The following OXSR1 variants were observed in gnomAD, a reference collection of about 807,000 sequenced individuals.
OXSR1 encodes serine/threonine-protein kinase OSR1.
Under a neutral mutation model 79.8 loss-of-function variants are expected in OXSR1, and 24 were observed. The observed-to-expected ratio is 0.30, with a 90% confidence interval of 0.22 to 0.42. The LOEUF is 0.42. OXSR1 is among the 10% of genes least tolerant of loss of function. OXSR1 has a pLI of 1.00. For missense variants in OXSR1, 430 were observed against 618.4 expected (o/e 0.70, Z 3.23); for synonymous variants, 226 against 209.2 (o/e 1.08, Z -0.69).
chr3:38,249,391 A>G (rs372525631), intron 14 of OXSR1, among the ~76,000 whole-genome samples: 30 of 152,122 alleles, frequency 2.0e-4, no homozygotes, highest in African/African-American at 5.3e-4. Context: ...TCCTTTCCCT[A>G]TCCTCTCTGC....
rs561493693 is a variant in OXSR1, at chr3:38,247,516, C to G, written c.1258-152C>G. On this transcript the variant is annotated intron_variant, in intron 13 of 17. Coordinates refer to ENST00000311806, the MANE Select transcript of OXSR1 (RefSeq NM_005109.3). Reference sequence around the variant, plus strand: ...GTTGCTGCCTTGGAGTGCATGTCCTCCTCCAGCAGGGAATGTCCTGGGGAT... The same window carrying G: ...GTTGCTGCCTTGGAGTGCATGTCCTGCTCCAGCAGGGAATGTCCTGGGGAT... 5 of 557,058 alleles carry G rather than the reference C, an allele frequency of 9.0e-6. No homozygotes were observed. In the Admixed American group the frequency reaches 1.5e-4, roughly 16 times the overall value. 34.5% of individuals were successfully genotyped at this position (557,058 alleles called of 1,614,324 possible). A position where few individuals can be genotyped will look rare whatever the true frequency, so the allele number is the denominator to read the frequency against.
intron 13 of OXSR1, among the ~76,000 whole-genome samples, chr3:38,247,407 T>C (rs2125854281): frequency 6.6e-6 from 1 of 152,258 alleles, no homozygotes; most frequent in East Asian, 1.9e-4. Flanking sequence ...ATATAAAATG[T>C]AAATGTGGCT....
chr3:38,215,781 T>C (rs1361634659), intron 4 of OXSR1, among the ~76,000 whole-genome samples: 1 of 152,146 alleles, frequency 6.6e-6, no homozygotes, highest in Non-Finnish European at 1.5e-5. Flanking sequence ...TTCATTGGGG[T>C]ATAGAAAAAA....
intron 10 of OXSR1, among the ~76,000 whole-genome samples, chr3:38,231,950 T>TA: frequency 6.6e-6 from 1 of 151,942 alleles, no homozygotes; most frequent in East Asian, 1.9e-4. Flanking sequence ...CTACTAAAAA[T>TA]ACAAAACTTA....
intron 4 of OXSR1, among the ~76,000 whole-genome samples, chr3:38,209,634 T>A (rs1432580448): frequency 2.1e-5 from 2 of 94,028 alleles, no homozygotes; most frequent in East Asian, 2.4e-4. Context: ...TCAATTATAC[T>A]TTTTTTTTTT....
chr3:38,165,988 AG>A (rs761336905), intron 1 of OXSR1, 42 bp downstream of exon 1: 3 of 1,559,416 alleles, frequency 1.9e-6, no homozygotes, highest in Non-Finnish European at 2.6e-6. Context: ...CGGCGCTGGG[AG>A]GCGGGGGACA....
At chr3:38,201,098 G>A (rs1041771712) in intron 4 of OXSR1, among the ~76,000 whole-genome samples, 5 of 151,984 alleles carry the variant, frequency 3.3e-5, no homozygotes, top group African/African-American at 1.2e-4. Flanking sequence ...TTGAAATGGG[G>A]TCGTGCTGTG....
At chr3:38,226,772 A>C (rs960591103) in intron 8 of OXSR1, among the ~76,000 whole-genome samples, 1 of 151,868 alleles carries the variant, frequency 6.6e-6, no homozygotes, top group African/African-American at 2.4e-5. Flanking sequence ...AGACTAAGAA[A>C]CTGTCACAGA....
At chr3:38,214,602 T>G (rs546209992) in intron 4 of OXSR1, among the ~76,000 whole-genome samples, 2 of 152,320 alleles carry the variant, frequency 1.3e-5, no homozygotes, top group East Asian at 3.9e-4. Context: ...TGTCCTCTAT[T>G]CTCTCCTGTT....
chr3:38,227,335 C>A (rs145919266), intron 8 of OXSR1, among the ~76,000 whole-genome samples: 1,556 of 152,150 alleles, frequency 0.01, 77 homozygotes, highest in Admixed American at 0.095. Flanking sequence ...GGTTAAGTAA[C>A]CTTCTCCAAA....
At chr3:38,166,559 G>A (rs6810031) in intron 1 of OXSR1, among the ~76,000 whole-genome samples, 2,286 of 152,262 alleles carry the variant, frequency 0.015, 56 homozygotes, top group African/African-American at 0.05. Context: ...TTGGGAGGCC[G>A]AGGCGGGCGG....
intron 5 of OXSR1, among the ~76,000 whole-genome samples, chr3:38,218,863 A>G (rs1446145873): frequency 1.3e-5 from 2 of 152,040 alleles, no homozygotes; most frequent in Non-Finnish European, 2.9e-5. Context: ...GCCTGATTCC[A>G]CCTTCTATAT....
chr3:38,230,520 A>G lies in OXSR1; in HGVS notation c.951+90A>G, dbSNP rs1702784056. The G allele has an allele frequency of 3.6e-6, 3 of 834,858 alleles. No individual in the cohort carries two copies. In the Admixed American group the frequency reaches 6.2e-5, roughly 17 times the overall value. 51.7% of individuals were successfully genotyped at this position (834,858 alleles called of 1,614,324 possible). A position where few individuals can be genotyped will look rare whatever the true frequency, so the allele number is the denominator to read the frequency against. ...TTAAGTAATACATTGTTAATAGTAT[A>G]TGAGAATTACTGGTTTTCTGTCGAT... On this transcript the variant is annotated intron_variant, in intron 10 of 17. Coordinates refer to ENST00000311806, the MANE Select transcript of OXSR1 (RefSeq NM_005109.3).
At chr3:38,190,154 A>G (rs1701956333) in intron 2 of OXSR1, among the ~76,000 whole-genome samples, 1 of 152,174 alleles carries the variant, frequency 6.6e-6, no homozygotes, top group South Asian at 2.1e-4. Flanking sequence ...ATGGCTTTAT[A>G]AGGCATTTTG....
At chr3:38,198,617 C>A in intron 3 of OXSR1, 105 bp from the exon 4 acceptor site, 1 of 733,022 alleles carries the variant, frequency 1.4e-6, no homozygotes, top group Non-Finnish European at 2.1e-6. Flanking sequence ...CATTTCTGCA[C>A]AGTTAAGTTT....
At chr3:38,232,652 C>G (rs1383375939) in intron 10 of OXSR1, among the ~76,000 whole-genome samples, 1 of 151,538 alleles carries the variant, frequency 6.6e-6, no homozygotes, top group African/African-American at 2.4e-5. Flanking sequence ...CCCAGCTACT[C>G]AGGAGGCTGA....
chr3:38,182,820 C>T, intron 1 of OXSR1, among the ~76,000 whole-genome samples, 183 bp from the exon 2 acceptor site: 1 of 152,050 alleles, frequency 6.6e-6, no homozygotes, highest in East Asian at 1.9e-4. Context: ...TATTTATTGG[C>T]AGTACATATG....
intron 2 of OXSR1, 37 bp from the exon 3 acceptor site, chr3:38,190,694 G>A: frequency 8.6e-7 from 1 of 1,157,030 alleles, no homozygotes; most frequent in Non-Finnish European, 1.3e-6. Context: ...TTTTAGGCTT[G>A]CATATAATGA....
At chr3:38,175,137 C>T (rs927777365) in intron 1 of OXSR1, among the ~76,000 whole-genome samples, 30 of 152,146 alleles carry the variant, frequency 2.0e-4, no homozygotes. Flanking sequence ...TAGTGCTTTT[C>T]TTCAGTGAAT....
Sources: allele counts gnomAD v4.1 joint callset (sites outside exome capture counted in the v4.1 genomes callset), GRCh38; gene constraint gnomAD v4.1.1; transcripts MANE v1.5; gene names NCBI Gene and HGNC (gene_info 2026-07-23, HGNC 2026-07-21).